SELENBP1: variants seen among roughly 807,000 people sequenced by gnomAD.
SELENBP1 encodes the protein selenium binding protein 1, also known as methanethiol oxidase.
In SELENBP1, 71 loss-of-function variants were observed where a neutral mutation model predicts 61.0. That is an observed-to-expected ratio of 1.16 (90% CI 0.96 to 1.42). The LOEUF is 1.42. Among genes scored for constraint, SELENBP1 ranks in the 40% most tolerant of loss-of-function variants. The pLI is 0.00. For synonymous variants in SELENBP1, 270 were observed against 238.9 expected (o/e 1.13, Z -1.20); for missense variants, 561 against 605.0 (o/e 0.93, Z 0.76).
rs972383447 is a variant in SELENBP1 at position 151,369,574 on chromosome 1, C to G, written c.62-20G>C. ...TGGGTCCTGCACGGTAGAAAGCAGGCAGCAGGGACGGCAGGGTGGGAAGGA... is the reference window on the plus strand; with the variant it reads ...TGGGTCCTGCACGGTAGAAAGCAGGGAGCAGGGACGGCAGGGTGGGAAGGA... On this transcript the variant is annotated intron_variant, in intron 2 of 11. Transcript: ENST00000368868. 6.3e-7 allele frequency: 1 copy of G among 1,590,292 alleles called. No homozygotes were observed. Among genetic ancestry groups the G allele is most frequent in the Non-Finnish European group, 8.6e-7 (1 of 1,168,120 alleles).
In SELENBP1 at chr1:151,365,696, G is replaced by C; in HGVS notation, c.923-12C>G. The C allele has an allele frequency of 1.9e-6, 3 of 1,614,150 alleles. No homozygotes were observed. Among genetic ancestry groups the C allele is most frequent in the Non-Finnish European group, 2.5e-6 (3 of 1,180,028 alleles). ...GTCGGTGATCAGGCCTGTGGGCAGG[G>C]GGCGAGTAGAGCCTTTAAGGACTCT... On this transcript the variant is annotated splice_polypyrimidine_tract_variant and intron_variant, in intron 8 of 11. Coordinates refer to ENST00000368868, the MANE Select transcript of SELENBP1 (RefSeq NM_003944.4).
intron 1 of SELENBP1, 194 bp from the exon 2 acceptor site, chr1:151,369,963 G>C (rs1287541046): frequency 1.3e-6 from 2 of 1,485,060 alleles, no homozygotes; most frequent in African/African-American, 2.8e-5. Flanking sequence ...GCTGGGAAGA[G>C]CTGGAGACAC....
chr1:151,369,579 G>C (rs991317955), intron 2 of SELENBP1, 25 bp from the exon 3 acceptor site: 2 of 1,583,370 alleles, frequency 1.3e-6, no homozygotes, highest in Non-Finnish European at 8.6e-7. Flanking sequence ...GCAGGCAGCA[G>C]GGACGGCAGG....
At chr1:151,366,962 C>T (rs1651863435) in intron 5 of SELENBP1, 58 bp from the exon 6 acceptor site, 1 of 1,575,108 alleles carries the variant, frequency 6.3e-7, no homozygotes, top group South Asian at 1.2e-5. Context: ...TAACCCCACC[C>T]TCCAGCCCTC....
chr1:151,368,176 G>A, intron 5 of SELENBP1, 23 bp downstream of exon 5: 1 of 1,605,000 alleles, frequency 6.2e-7, no homozygotes, highest in Non-Finnish European at 8.5e-7. Context: ...AAGTTTTCAT[G>A]AGCACACAGT....
chr1:151,368,157 C>T (rs1218400206), intron 5 of SELENBP1, 42 bp downstream of exon 5: 1 of 1,593,682 alleles, frequency 6.3e-7, no homozygotes. Context: ...CCACATTTCA[C>T]AGCTGTGGAA....
chr1:151,366,090 AATGG>A, intron 7 of SELENBP1, 181 bp downstream of exon 7: 2 of 803,574 alleles, frequency 2.5e-6, no homozygotes, highest in Non-Finnish European at 4.0e-6. Context: ...TTTTTGAATG[AATGG>A]ATAAATACGG....
At chr1:151,366,968 C>T (rs907072648) in intron 5 of SELENBP1, 64 bp from the exon 6 acceptor site, 6 of 1,572,170 alleles carry the variant, frequency 3.8e-6, no homozygotes, top group East Asian at 2.3e-5. Context: ...CACCCTCCAG[C>T]CCTCTCCCCG....
chr1:151,366,793 A>C lies in SELENBP1; in HGVS notation c.593T>G (p.Val198Gly). 6.2e-7 allele frequency: 1 copy of C among 1,614,132 alleles called. No individual in the cohort carries two copies. The highest frequency in any genetic ancestry group is 8.5e-7 in the Non-Finnish European group (1 of 1,180,022). ...AGCTGCCCACTCAGTGCTGATCATG[A>C]CATTGTGTCGAGGCTGGTACCAGAA... ...YDFWYQPRHN[V>G]MISTEWAAPN... The change falls in exon 6 of 12, where the codon GTC becomes GGC. Residue 198 changes from valine (V) to glycine (G), a missense_variant. Physicochemically the swap from Val to Gly is moderately radical, Grantham distance 109. Transcript: ENST00000368868.
intron 1 of SELENBP1, among the ~76,000 whole-genome samples, chr1:151,371,735 A>G (rs950289718): frequency 6.6e-6 from 1 of 152,200 alleles, no homozygotes; most frequent in Non-Finnish European, 1.5e-5. Context: ...GTAAAAGTGC[A>G]GAGATGGAGC....
At chr1:151,369,583 C>A (rs12031439) in intron 2 of SELENBP1, 29 bp from the exon 3 acceptor site, 3 of 1,580,438 alleles carry the variant, frequency 1.9e-6, no homozygotes, top group Non-Finnish European at 2.6e-6. Flanking sequence ...GCAGCAGGGA[C>A]GGCAGGGTGG....
chr1:151,365,605 C>T lies in SELENBP1; in HGVS notation c.1002G>A (p.Gln334=), dbSNP rs753984596. The stretch of plus-strand genomic sequence containing the variant: ...GTCTCTGTGGGTCAGAGATGTCATA[C>T]TGCCTCAGGTCCCCATGCAGCCAGT... ...FSNWLHGDLR[Q]YDISDPQRPR... is the part of the protein sequence containing the mutation. The change falls in exon 9 of 12, where the codon CAG becomes CAA. Residue 334 remains glutamine, a synonymous_variant. Transcript: ENST00000368868. 1 of 1,614,192 alleles carries T rather than the reference C, an allele frequency of 6.2e-7. No homozygotes were observed.
chr1:151,366,087 A>G, intron 7 of SELENBP1, 188 bp downstream of exon 7: 1 of 793,864 alleles, frequency 1.3e-6, no homozygotes, highest in South Asian at 1.7e-5. Flanking sequence ...TAGTTTTTGA[A>G]TGAATGGATA....
chr1:151,372,603 G>A, intron 1 of SELENBP1, 35 bp downstream of exon 1: 2 of 1,613,992 alleles, frequency 1.2e-6, no homozygotes, highest in Non-Finnish European at 1.7e-6. Flanking sequence ...GGCAGACAGA[G>A]CAGGCAATGG....
At chr1:151,368,460 T>C in intron 4 of SELENBP1, 141 bp from the exon 5 acceptor site, 2 of 1,229,064 alleles carry the variant, frequency 1.6e-6, no homozygotes, top group South Asian at 1.5e-5. Flanking sequence ...TGTGGGAATA[T>C]GACAAAGATT....
chr1:151,366,540 G>A (rs1221366091), intron 6 of SELENBP1, 87 bp from the exon 7 acceptor site: 1 of 1,497,192 alleles, frequency 6.7e-7, no homozygotes, highest in Non-Finnish European at 9.1e-7. Context: ...CAGGGCAGAA[G>A]GTTAAGAAAT....
At chr1:151,365,515 T>C (rs1651762062) in intron 9 of SELENBP1, 48 bp downstream of exon 9, 1 of 1,611,104 alleles carries the variant, frequency 6.2e-7, no homozygotes, top group Non-Finnish European at 8.5e-7. Flanking sequence ...CCCCAGCTTC[T>C]CTTCTCTTTC....
intron 7 of SELENBP1, chr1:151,366,067 A>C: frequency 2.7e-6 from 2 of 741,956 alleles, no homozygotes; most frequent in South Asian, 3.5e-5. Flanking sequence ...TAGCACAGAC[A>C]TTCACTAAGT....
intron 1 of SELENBP1, among the ~76,000 whole-genome samples, chr1:151,371,195 C>T (rs1652122639): frequency 6.6e-6 from 1 of 151,984 alleles, no homozygotes; most frequent in Admixed American, 6.6e-5. Context: ...ACCAGCCTCA[C>T]TAACATGGCA....
Sources: allele counts gnomAD v4.1 joint callset (sites outside exome capture counted in the v4.1 genomes callset), GRCh38; gene constraint gnomAD v4.1.1; transcripts MANE v1.5; gene names NCBI Gene and HGNC (gene_info 2026-07-23, HGNC 2026-07-21).